The following HDDC2 variants were observed in gnomAD, a reference collection of about 807,000 sequenced individuals.
HDDC2 encodes the protein 5'-deoxynucleotidase HDDC2.
HDDC2 carries 25 observed loss-of-function variants against 25.5 expected under a neutral mutation model. The observed-to-expected ratio is 0.98, with a 90% confidence interval of 0.72 to 1.37. HDDC2 has a LOEUF of 1.37. Ranked by LOEUF, HDDC2 falls within the 40% of genes most tolerant of loss-of-function variation. The pLI, the probability that HDDC2 is intolerant of heterozygous loss-of-function variation, is 0.00. For synonymous variants in HDDC2, 106 were observed against 89.7 expected, an observed-to-expected ratio of 1.18 and a Z score of -1.03; for missense variants, 264 against 253.1, an observed-to-expected ratio of 1.04 and a Z score of -0.29.
At chr6:125,291,204 G>A (rs77093146) in intron 4 of HDDC2, among the ~76,000 whole-genome samples, 3,611 of 152,204 alleles carry the variant, frequency 0.024, 49 homozygotes, top group Non-Finnish European at 0.034. Context: ...ACTTTGAGAC[G>A]AGGCACACTT....
At chr6:125,301,743 G>A (rs1798811351) in intron 1 of HDDC2, 106 bp downstream of exon 1, 4 of 759,674 alleles carry the variant, frequency 5.3e-6, no homozygotes, top group South Asian at 3.8e-5. Flanking sequence ...TGGCGGACGC[G>A]GCGCAGGAAG....
chr6:125,301,964 C>T lies in HDDC2; in HGVS notation c.-32G>A. Reference sequence around the variant, plus strand: ...ACCGACCCCGGCTGGGCGGAGCAGGCCGCGGCGAAGCTCCTCCCCGTCCTC... The same window carrying T: ...ACCGACCCCGGCTGGGCGGAGCAGGTCGCGGCGAAGCTCCTCCCCGTCCTC... On this transcript the variant is annotated 5_prime_UTR_variant, in exon 1 of 6. Transcript: ENST00000398153. 3 of 1,525,822 alleles carry T rather than the reference C, an allele frequency of 2.0e-6. No individual in the cohort carries two copies. Among genetic ancestry groups the T allele is most frequent in the Non-Finnish European group, 2.6e-6 (3 of 1,132,192 alleles). The allele number at this position is 1,525,822 out of a possible 1,614,324, so 94.5% of individuals were successfully genotyped here.
chr6:125,286,606 T>G (rs773734613), intron 4 of HDDC2, among the ~76,000 whole-genome samples: 3 of 152,184 alleles, frequency 2.0e-5, no homozygotes, highest in Non-Finnish European at 4.4e-5. Context: ...ATTGAAAACA[T>G]CAGTATGAAC....
intron 3 of HDDC2, chr6:125,297,424 A>G (rs1270486465): frequency 1.0e-5 from 4 of 395,418 alleles, no homozygotes; most frequent in Admixed American, 4.4e-5. Context: ...TTGTGCCTAC[A>G]CTTTTGGGTA....
intron 2 of HDDC2, 180 bp downstream of exon 2, chr6:125,300,358 G>T: frequency 1.5e-6 from 1 of 662,896 alleles, no homozygotes; most frequent in South Asian, 2.5e-5. Flanking sequence ...ACCCCAGATT[G>T]CAGTTTACAA....
At chr6:125,290,363 AC>A (rs2115111156) in intron 4 of HDDC2, among the ~76,000 whole-genome samples, 1 of 152,344 alleles carries the variant, frequency 6.6e-6, no homozygotes, top group Admixed American at 6.5e-5. Context: ...CAGCTAGTAA[AC>A]AGGGGAGCCA....
In HDDC2 at chr6:125,294,290, G is replaced by A. The variant is rs191073940; in HGVS notation, c.310-1381C>T. On this transcript the variant is annotated intron_variant, in intron 3 of 5. Coordinates refer to ENST00000398153, the MANE Select transcript of HDDC2 (RefSeq NM_016063.3). ...TGTGTGTATATTTATTTATTACTGG[G>A]AGAAAAAAAATGTTACAGAATACAA... 1.1e-3 allele frequency among the ~76,000 whole-genome samples: 163 copies of A among 152,186 alleles called. 1 individual carries two copies. Among genetic ancestry groups the A allele is most frequent in the East Asian group, 5.8e-4 (3 of 5,178 alleles).
intron 4 of HDDC2, among the ~76,000 whole-genome samples, chr6:125,287,877 G>GT (rs1432406497): frequency 1.3e-5 from 2 of 152,224 alleles, no homozygotes; most frequent in Non-Finnish European, 2.9e-5. Context: ...TGCCGCCACA[G>GT]TGTCAGGCAG....
intron 4 of HDDC2, among the ~76,000 whole-genome samples, chr6:125,280,742 T>C (rs561668460): frequency 6.6e-6 from 1 of 152,286 alleles, no homozygotes; most frequent in Admixed American, 6.5e-5. Flanking sequence ...AAAACTCCCA[T>C]CTCCTTGAGA....
intron 4 of HDDC2, among the ~76,000 whole-genome samples, chr6:125,280,926 G>C (rs1009984204): frequency 4.6e-5 from 7 of 152,350 alleles, no homozygotes; most frequent in Non-Finnish European, 5.9e-5. Flanking sequence ...CCTCCCAGCA[G>C]GGGTCGACAG....
intron 5 of HDDC2, chr6:125,276,703 T>C: frequency 4.1e-6 from 1 of 242,590 alleles, no homozygotes; most frequent in Non-Finnish European, 7.9e-6. Context: ...TGCAGGTGTC[T>C]CTCTTGTAAA....
chr6:125,285,315 AAAAAG>A (rs1798516057), intron 4 of HDDC2, among the ~76,000 whole-genome samples: 2 of 152,202 alleles, frequency 1.3e-5, no homozygotes, highest in African/African-American at 4.8e-5. Flanking sequence ...AAGTATAAAA[AAAAAG>A]AAAAGAAAAT....
At chr6:125,283,869 C>G (rs9491364) in intron 4 of HDDC2, among the ~76,000 whole-genome samples, 32,929 of 151,978 alleles carry the variant, frequency 0.22, 4,319 homozygotes, top group African/African-American at 0.37. Context: ...ACAATCCTAA[C>G]CAAAAAGAAC....
chr6:125,295,031 G>C (rs1293889281), intron 3 of HDDC2, among the ~76,000 whole-genome samples: 1 of 152,212 alleles, frequency 6.6e-6, no homozygotes, highest in East Asian at 1.9e-4. Flanking sequence ...CTTGTAGAGA[G>C]TTAATATTCT....
In HDDC2 at chr6:125,300,418, A is replaced by G. The variant is rs977232263; in HGVS notation, c.206+120T>C. 15 of 1,236,210 alleles carry G rather than the reference A, an allele frequency of 1.2e-5. No homozygotes were observed. The African/African-American group carries it at 2.3e-4, about 19-fold the overall frequency. 76.6% of individuals were successfully genotyped at this position (1,236,210 alleles called of 1,614,324 possible). On this transcript the variant is annotated intron_variant, in intron 2 of 5. Coordinates refer to ENST00000398153, the MANE Select transcript of HDDC2 (RefSeq NM_016063.3). ...CCTAAATTTGTATGGTTTGCTTCAA[A>G]TAATTTTTCTTGACCTATAAACTAA...
chr6:125,290,318 T>C (rs1290504359), intron 4 of HDDC2, among the ~76,000 whole-genome samples: 1 of 152,190 alleles, frequency 6.6e-6, no homozygotes, highest in Admixed American at 6.5e-5. Flanking sequence ...GATGAGGAAA[T>C]TGAGGCACAG....
At chr6:125,282,391 C>A (rs1798472609) in intron 4 of HDDC2, among the ~76,000 whole-genome samples, 1 of 151,730 alleles carries the variant, frequency 6.6e-6, no homozygotes. Flanking sequence ...ATTTTCAACT[C>A]AGAATTTCAT....
At chr6:125,289,820 G>A (rs1321417780) in intron 4 of HDDC2, among the ~76,000 whole-genome samples, 1 of 152,232 alleles carries the variant, frequency 6.6e-6, no homozygotes, top group African/African-American at 2.4e-5. Context: ...ACGGTGGGGT[G>A]TACTAGGCAT....
chr6:125,287,705 G>A (rs1306541477), intron 4 of HDDC2, among the ~76,000 whole-genome samples: 2 of 152,160 alleles, frequency 1.3e-5, no homozygotes, highest in African/African-American at 2.4e-5. Flanking sequence ...AAAGAAGGCC[G>A]AGGACATGGC....
Sources: allele counts gnomAD v4.1 joint callset (sites outside exome capture counted in the v4.1 genomes callset), GRCh38; gene constraint gnomAD v4.1.1; transcripts MANE v1.5; gene names NCBI Gene and HGNC (gene_info 2026-07-23, HGNC 2026-07-21).